The following PDE9A variants were observed in gnomAD, a reference collection of about 807,000 sequenced individuals.
PDE9A encodes high affinity cGMP-specific 3',5'-cyclic phosphodiesterase 9A.
PDE9A carries 60 observed loss-of-function variants against 87.4 expected under a neutral mutation model. The ratio of observed to expected loss-of-function variants is 0.69; its 90% CI spans 0.56 to 0.85. The LOEUF (loss-of-function observed/expected upper bound fraction) is 0.85. PDE9A is among the 40% of genes least tolerant of loss of function. The pLI is 0.00. For synonymous variants in PDE9A, 272 were observed against 279.4 expected, an observed-to-expected ratio of 0.97 and a Z score of 0.27; for missense variants, 665 against 779.0, an observed-to-expected ratio of 0.85 and a Z score of 1.74.
chr21:42,742,341 C>A (rs1482673354), intron 7 of PDE9A, among the ~76,000 whole-genome samples: 2 of 151,738 alleles, frequency 1.3e-5, no homozygotes, highest in African/African-American at 4.8e-5. Context: ...TCAGTCTCCC[C>A]GAGCATTCGG....
At chr21:42,746,881 C>G (rs1383546246) in intron 8 of PDE9A, among the ~76,000 whole-genome samples, 1 of 152,194 alleles carries the variant, frequency 6.6e-6, no homozygotes, top group African/African-American at 2.4e-5. Flanking sequence ...AAACCAAAGA[C>G]AAGGAGACTT....
intron 4 of PDE9A, among the ~76,000 whole-genome samples, chr21:42,706,643 C>T (rs1469451055): frequency 6.9e-6 from 1 of 144,444 alleles, no homozygotes; most frequent in Non-Finnish European, 1.5e-5. Flanking sequence ...GACTCTATCT[C>T]AAAAAAAAAA....
intron 10 of PDE9A, 121 bp downstream of exon 10, chr21:42,754,185 T>TCA: frequency 3.9e-6 from 2 of 517,952 alleles, no homozygotes; most frequent in East Asian, 3.4e-5. Context: ...TTTTAAAGAC[T>TCA]GAAAAAAAAA....
At chr21:42,658,621 T>C (rs62215372) in intron 1 of PDE9A, among the ~76,000 whole-genome samples, 25,735 of 152,158 alleles carry the variant, frequency 0.17, 2,293 homozygotes, top group Middle Eastern at 0.22. Flanking sequence ...TCTGCTCAAT[T>C]GTGCAGGGCT....
At chr21:42,766,120 A>G (rs4920148) in intron 15 of PDE9A, among the ~76,000 whole-genome samples, 148,537 of 152,326 alleles carry the variant, frequency 0.98, 72,511 homozygotes, top group African/African-American at 0.99. Flanking sequence ...CTTGAGTCCA[A>G]AAGTTTGAGA....
At position 42,721,847 on chromosome 21, in the gene PDE9A, C is replaced by A. The variant is rs558052288; in HGVS notation, c.263-9923C>A. Reference sequence around the variant, plus strand: ...ATAAAGGCACCCTGCTCCCACCCCCCACAATCTTCCGGACGTCTAGAGTGC... The same window carrying A: ...ATAAAGGCACCCTGCTCCCACCCCCAACAATCTTCCGGACGTCTAGAGTGC... On this transcript the variant is annotated intron_variant, in intron 4 of 19. Transcript: ENST00000291539. 1.1e-4 allele frequency among the ~76,000 whole-genome samples: 16 copies of A among 152,164 alleles called. 1 individual carries two copies. The South Asian group carries it at 2.7e-3, about 26-fold the overall frequency.
intron 4 of PDE9A, among the ~76,000 whole-genome samples, chr21:42,721,666 G>A (rs1415855913): frequency 1.3e-5 from 2 of 152,172 alleles, no homozygotes; most frequent in African/African-American, 4.8e-5. Context: ...AAGGGCAGTT[G>A]CAGGGGTCAG....
At position 42,695,241 on chromosome 21, in the gene PDE9A, C is replaced by G. The variant is rs1421456086; in HGVS notation, c.219-3727C>G. 6.6e-6 allele frequency among the ~76,000 whole-genome samples: 1 copy of G among 152,192 alleles called. No individual in the cohort carries two copies. The highest frequency in any genetic ancestry group is 1.5e-5 in the Non-Finnish European group (1 of 68,040). ...CCAACAAATATAAAAAGTCATAGCC[C>G]AACCATGATCAAATAAGGCTCCAGC... On this transcript the variant is annotated intron_variant, in intron 3 of 19. Transcript: ENST00000291539. The surrounding 1 kb of genome is among the most constrained non-coding windows in gnomAD (Gnocchi z 4.3).
At chr21:42,749,918 G>T (rs562728186) in intron 8 of PDE9A, among the ~76,000 whole-genome samples, 1 of 152,194 alleles carries the variant, frequency 6.6e-6, no homozygotes, top group African/African-American at 2.4e-5. Context: ...CAGGTGGATC[G>T]CTTGAAGTCA....
rs1373666040 is a variant in PDE9A at position 42,653,863 on chromosome 21, A to T, written c.49A>T (p.Ile17Phe). 1.3e-6 allele frequency: 2 copies of T among 1,565,280 alleles called. No homozygotes were observed. Among genetic ancestry groups the T allele is most frequent in the African/African-American group, 2.8e-5 (2 of 71,746 alleles). Residue 17 changes from isoleucine to phenylalanine, a missense_variant, in exon 1 of 20, where the codon ATC becomes TTC. Physicochemically the swap from Ile to Phe is conservative, Grantham distance 21 (BLOSUM62 0). Coordinates refer to ENST00000291539, the MANE Select transcript of PDE9A (RefSeq NM_002606.3). ...SYRPKAIYLDIDGRIQKVIFS... is the reference protein window; with the variant it reads ...SYRPKAIYLDFDGRIQKVIFS... ...CCGGCCCAAGGCCATCTACCTGGAC[A>T]TCGATGGACGCATTCAGAAGGTAGC...
At chr21:42,665,658 C>T (rs55789016) in intron 1 of PDE9A, among the ~76,000 whole-genome samples, 1 of 152,206 alleles carries the variant, frequency 6.6e-6, no homozygotes, top group South Asian at 2.1e-4. Context: ...TCCTAGGAAG[C>T]CGGATGTGTC....
At chr21:42,738,406 A>ACGC (rs898217608) in intron 7 of PDE9A, among the ~76,000 whole-genome samples, 17 of 152,218 alleles carry the variant, frequency 1.1e-4, no homozygotes, top group Admixed American at 3.9e-4. Flanking sequence ...TAGCCAAAGG[A>ACGC]CTGGGCCTGC....
At chr21:42,765,015 A>ATGGATGGG (rs1357864757) in intron 14 of PDE9A, among the ~76,000 whole-genome samples, 4 of 145,826 alleles carry the variant, frequency 2.7e-5, no homozygotes, top group Admixed American at 2.0e-4. Flanking sequence ...GGATGGATGG[A>ATGGATGGG]TGGATGGGTG....
At chr21:42,670,241 T>A (rs575617297) in intron 1 of PDE9A, among the ~76,000 whole-genome samples, 35,061 of 124,852 alleles carry the variant, frequency 0.28, 4,083 homozygotes, top group African/African-American at 0.47. Context: ...ACATTCACAC[T>A]CATACACATA....
chr21:42,750,583 T>TG (rs397709880), intron 8 of PDE9A, among the ~76,000 whole-genome samples: 1 of 149,736 alleles, frequency 6.7e-6, no homozygotes, highest in Non-Finnish European at 1.5e-5. Context: ...CTTTTTTTTT[T>TG]GAGATGGAGT....
intron 3 of PDE9A, among the ~76,000 whole-genome samples, chr21:42,698,045 A>G (rs941930467): frequency 6.6e-6 from 1 of 152,228 alleles, no homozygotes; most frequent in African/African-American, 2.4e-5. Context: ...TGAATGAGCA[A>G]GTCAAAGACA....
rs1443875886 is a variant in PDE9A at position 42,694,702 on chromosome 21, C to T, written c.219-4266C>T. On this transcript the variant is annotated intron_variant, in intron 3 of 19. Transcript: ENST00000291539. This position sits in a 1 kb window ranked among gnomAD's most constrained non-coding sequence, Gnocchi z 5.3. ...CAGGTGGACTTCCTGGTTTCTGCCT[C>T]CTGTTACCCCTCACAGTTATCTCTC... Among the ~76,000 whole-genome samples the T allele has an allele frequency of 2.6e-5, 4 of 152,192 alleles. No individual in the cohort carries two copies. Among genetic ancestry groups the T allele is most frequent in the Admixed American group, 2.6e-4 (4 of 15,276 alleles).
At chr21:42,671,850 C>T (rs942835375) in intron 1 of PDE9A, among the ~76,000 whole-genome samples, 25 of 152,144 alleles carry the variant, frequency 1.6e-4, no homozygotes, top group Non-Finnish European at 1.0e-4. Context: ...CTTTTAACTC[C>T]CTCAAAGATA....
chr21:42,665,284 G>T (rs922116814), intron 1 of PDE9A, among the ~76,000 whole-genome samples: 8 of 152,232 alleles, frequency 5.3e-5, no homozygotes, highest in African/African-American at 1.9e-4. Flanking sequence ...AGCCAAGAGA[G>T]ATAAACCTCT....
Sources: allele counts gnomAD v4.1 joint callset (sites outside exome capture counted in the v4.1 genomes callset), GRCh38; gene constraint gnomAD v4.1.1; non-coding constraint Gnocchi (gnomAD v3.1); transcripts MANE v1.5; gene names NCBI Gene and HGNC (gene_info 2026-07-23, HGNC 2026-07-21).